The following RGPD2 variants were observed in gnomAD, a reference collection of about 807,000 sequenced individuals.
RGPD2 encodes RANBP2-like and GRIP domain-containing protein 2.
Under a neutral mutation model 36.0 loss-of-function variants are expected in RGPD2, and 2 were observed. The ratio of observed to expected loss-of-function variants is 0.06; its 90% confidence interval spans 0.02 to 0.17. The LOEUF (loss-of-function observed/expected upper bound fraction) is 0.17. Ranked by LOEUF, RGPD2 falls within the 10% of genes least tolerant of loss-of-function variation. RGPD2 has a pLI of 1.00. For missense variants in RGPD2, 40 were observed against 464.3 expected, an observed-to-expected ratio of 0.09 and a Z score of 8.40; for synonymous variants, 19 against 163.8, an observed-to-expected ratio of 0.12 and a Z score of 6.75.
At chr2:87,854,997 C>CGT in the RGPD2 span, among the ~76,000 whole-genome samples, 19,594 of 148,218 alleles carry the variant, frequency 0.13, no homozygotes, top group Middle Eastern at 0.19. Flanking sequence ...GTATGCTGTC[C>CGT]GTGTGTGTGT....
the RGPD2 span, among the ~76,000 whole-genome samples, chr2:87,973,272 C>T: frequency 6.7e-6 from 1 of 148,578 alleles, no homozygotes; most frequent in East Asian, 2.0e-4. Context: ...CCACACCCCC[C>T]TCCTGCCGCT....
chr2:87,983,866 C>T, the RGPD2 span, among the ~76,000 whole-genome samples: 1 of 152,186 alleles, frequency 6.6e-6, no homozygotes, highest in Non-Finnish European at 1.5e-5. Flanking sequence ...GCCAATGTGG[C>T]TGGGATGATG....
the RGPD2 span, among the ~76,000 whole-genome samples, chr2:87,882,322 T>A: frequency 1.3e-5 from 2 of 152,268 alleles, no homozygotes; most frequent in African/African-American, 4.8e-5. Flanking sequence ...TGTATGAATA[T>A]CCGGTTTTCC....
the RGPD2 span, among the ~76,000 whole-genome samples, chr2:87,877,804 C>CAAAAAAA: frequency 2.6e-3 from 222 of 84,414 alleles, no homozygotes; most frequent in Non-Finnish European, 3.6e-3. Context: ...GACTCCGTCT[C>CAAAAAAA]AAAAAAAAAA....
At chr2:87,915,243 G>T in the RGPD2 span, among the ~76,000 whole-genome samples, 1 of 146,726 alleles carries the variant, frequency 6.8e-6, no homozygotes, top group Non-Finnish European at 1.5e-5. Context: ...TTACTTAAAG[G>T]AACTTTCTAA....
At chr2:87,953,467 T>C in the RGPD2 span, among the ~76,000 whole-genome samples, 1 of 142,338 alleles carries the variant, frequency 7.0e-6, no homozygotes, top group African/African-American at 2.6e-5. Context: ...TAATTACTTA[T>C]AGTTACCATT....
At chr2:87,839,756 A>T in the RGPD2 span, among the ~76,000 whole-genome samples, 3 of 152,028 alleles carry the variant, frequency 2.0e-5, no homozygotes, top group Admixed American at 6.6e-5. Flanking sequence ...AACAGTAAAT[A>T]CCACAGCCTA....
the RGPD2 span, among the ~76,000 whole-genome samples, chr2:87,978,091 TG>T: frequency 6.7e-6 from 1 of 148,420 alleles, no homozygotes; most frequent in Non-Finnish European, 1.5e-5. Flanking sequence ...CACTACAGCC[TG>T]GGCAACAGAG....
At chr2:87,769,510 A>C (rs1685058551) in intron 22 of RGPD2, among the ~76,000 whole-genome samples, 2 of 149,510 alleles carry the variant, frequency 1.3e-5, no homozygotes, top group Admixed American at 6.7e-5. Context: ...CTTTAAAAAT[A>C]TCTGTTCTTG....
chr2:87,977,416 C>A, the RGPD2 span, among the ~76,000 whole-genome samples: 3 of 145,750 alleles, frequency 2.1e-5, no homozygotes, highest in Non-Finnish European at 4.5e-5. Flanking sequence ...TTATAAAATA[C>A]AATGTTTTAA....
At chr2:87,854,894 G>A in the RGPD2 span, among the ~76,000 whole-genome samples, 8 of 152,264 alleles carry the variant, frequency 5.3e-5, no homozygotes, top group South Asian at 2.1e-4. Flanking sequence ...AAAATTGTAC[G>A]TATTCAAGTT....
chr2:87,937,055 T>C, the RGPD2 span, among the ~76,000 whole-genome samples: 1 of 151,784 alleles, frequency 6.6e-6, no homozygotes, highest in East Asian at 1.9e-4. Context: ...AGAAAATTAA[T>C]AGTGGAGAAA....
chr2:87,874,109 G>A, the RGPD2 span, among the ~76,000 whole-genome samples: 1 of 146,006 alleles, frequency 6.8e-6, no homozygotes, highest in African/African-American at 2.6e-5. Context: ...CTAGACCCTG[G>A]ATACTAGACC....
At chr2:87,857,772 A>AC in the RGPD2 span, among the ~76,000 whole-genome samples, 3 of 141,410 alleles carry the variant, frequency 2.1e-5, no homozygotes, top group East Asian at 2.0e-4. Context: ...CCCCATCTCT[A>AC]CTAAAAAAAA....
intron 1 of RGPD2, among the ~76,000 whole-genome samples, chr2:87,825,421 C>CCGT (rs1686684502): frequency 2.6e-5 from 3 of 116,060 alleles, no homozygotes; most frequent in Admixed American, 8.2e-5. Flanking sequence ...GCCGAGGCCG[C>CCGT]CGCCGCCGCC....
chr2:87,988,005 G>A, the RGPD2 span, among the ~76,000 whole-genome samples: 49 of 151,296 alleles, frequency 3.2e-4, no homozygotes, highest in Non-Finnish European at 5.9e-4. Flanking sequence ...TAGAAGGCAA[G>A]GAATCTCTAT....
At chr2:87,966,695 G>A in the RGPD2 span, among the ~76,000 whole-genome samples, 2 of 151,648 alleles carry the variant, frequency 1.3e-5, no homozygotes, top group Non-Finnish European at 3.0e-5. Context: ...CGGAGGCCAA[G>A]GTGGGCAGAT....
chr2:87,864,386 C>A, the RGPD2 span, among the ~76,000 whole-genome samples: 2 of 152,252 alleles, frequency 1.3e-5, no homozygotes. Flanking sequence ...GGTCACTGGG[C>A]CTTCATACTT....
At chr2:87,858,037 A>G in the RGPD2 span, among the ~76,000 whole-genome samples, 2 of 151,576 alleles carry the variant, frequency 1.3e-5, no homozygotes, top group Non-Finnish European at 3.0e-5. Flanking sequence ...TGCAATATAG[A>G]CACACACACA....
Sources: allele counts gnomAD v4.1 joint callset (sites outside exome capture counted in the v4.1 genomes callset), GRCh38; gene constraint gnomAD v4.1.1; transcripts MANE v1.5; gene names NCBI Gene and HGNC (gene_info 2026-07-23, HGNC 2026-07-21).